ZSCAN5A: variants seen among roughly 807,000 people sequenced by gnomAD.
ZSCAN5A encodes zinc finger and SCAN domain containing 5A.
In ZSCAN5A, 12 loss-of-function variants were observed where a neutral mutation model predicts 23.7. The observed-to-expected ratio is 0.51, with a 90% confidence interval of 0.32 to 0.82. ZSCAN5A has a LOEUF of 0.82. Among genes scored for constraint, ZSCAN5A ranks in the 40% least tolerant of loss-of-function variants. ZSCAN5A has a pLI of 0.03. For missense variants in ZSCAN5A, 597 were observed against 617.9 expected (o/e 0.97, Z 0.36); for synonymous variants, 257 against 239.9 (o/e 1.07, Z -0.66).
Position 56,341,702 on chromosome 19 carries a change from C to CAAAAAAAAAA in ZSCAN5A, c.-358+21523_-358+21532dup, listed in dbSNP as rs1175628460. ...ATCTTCTAGGCAGGTTACCAAAAGG[C>CAAAAAAAAAA]AAAAAAAAAAAAAAAAAAAAAAAAA... On this transcript the variant is annotated intron_variant, in intron 2 of 6. Transcript: ENST00000587340. Among the ~76,000 whole-genome samples, 36 of 53,766 alleles carry CAAAAAAAAAA rather than the reference C, an allele frequency of 6.7e-4. 1 individual carries two copies. The highest frequency in any genetic ancestry group is 1.7e-3 in the South Asian group (2 of 1,164). 35.3% of individuals were successfully genotyped at this position (53,766 alleles called of 152,430 possible).
At chr19:56,269,644 A>G (rs892178705) in intron 2 of ZSCAN5A, among the ~76,000 whole-genome samples, 3 of 152,226 alleles carry the variant, frequency 2.0e-5, no homozygotes, top group African/African-American at 7.2e-5. Flanking sequence ...GAATCAGAGC[A>G]ATGTACGGTG....
At chr19:56,303,085 C>T (rs1427484153) in intron 2 of ZSCAN5A, 1 of 390,416 alleles carries the variant, frequency 2.6e-6, no homozygotes, top group Non-Finnish European at 4.5e-6. Context: ...GGGTTAAGGA[C>T]AGAATGGAAT....
chr19:56,221,989 G>A lies in ZSCAN5A; in HGVS notation c.1077C>T (p.Asp359=), dbSNP rs144472423. ...TACACGTAAACCTCTTCTCGCACAC[G>A]TCACATGCAAAGGGCGGCAGTGCCT... ...EAKALPPFAC[D]VCEKRFTCNS... Residue 359 remains aspartate, a synonymous_variant, in exon 6 of 6, where the codon GAC becomes GAT. Transcript: ENST00000683990. The A allele has an allele frequency of 7.0e-5, 113 of 1,614,208 alleles. No individual in the cohort carries two copies. The African/African-American group carries it at 1.1e-3, about 16-fold the overall frequency.
At chr19:56,300,777 C>T (rs1318386423) in intron 2 of ZSCAN5A, among the ~76,000 whole-genome samples, 11 of 151,680 alleles carry the variant, frequency 7.3e-5, no homozygotes, top group Admixed American at 5.9e-4. Flanking sequence ...GATTGGAAAC[C>T]TGTTTAGACA....
intron 2 of ZSCAN5A, chr19:56,282,613 C>G: frequency 1.9e-6 from 1 of 539,634 alleles, no homozygotes; most frequent in Non-Finnish European, 2.4e-6. Context: ...CACAGCTTAG[C>G]TTCTAATAGC....
intron 2 of ZSCAN5A, among the ~76,000 whole-genome samples, chr19:56,281,526 T>C (rs1218800499): frequency 3.3e-5 from 5 of 152,144 alleles, no homozygotes; most frequent in African/African-American, 1.2e-4. Context: ...TAGCGTCCCA[T>C]ATAAAGATCG....
At chr19:56,288,584 GCC>G (rs2039298164) in intron 2 of ZSCAN5A, among the ~76,000 whole-genome samples, 1 of 152,140 alleles carries the variant, frequency 6.6e-6, no homozygotes, top group Middle Eastern at 3.2e-3. Context: ...GCTGGGTCTG[GCC>G]TGCCTTGCTT....
intron 2 of ZSCAN5A, among the ~76,000 whole-genome samples, chr19:56,278,206 C>A (rs1023077798): frequency 1.3e-5 from 2 of 151,998 alleles, no homozygotes; most frequent in Non-Finnish European, 2.9e-5. Flanking sequence ...GCCATGACAT[C>A]TGCCTCCTGG....
intron 2 of ZSCAN5A, among the ~76,000 whole-genome samples, chr19:56,245,607 C>T (rs573771203): frequency 3.3e-5 from 5 of 152,332 alleles, no homozygotes; most frequent in Non-Finnish European, 5.9e-5. Flanking sequence ...ATCTACTTTT[C>T]TCTCCACCAT....
At chr19:56,231,556 C>G (rs2034465132) in intron 2 of ZSCAN5A, among the ~76,000 whole-genome samples, 1 of 152,200 alleles carries the variant, frequency 6.6e-6, no homozygotes, top group Admixed American at 6.5e-5. Flanking sequence ...GTAAAGGTGG[C>G]TCCAGCCCCC....
chr19:56,362,383 G>A (rs1045456253), intron 2 of ZSCAN5A, among the ~76,000 whole-genome samples: 4 of 151,670 alleles, frequency 2.6e-5, no homozygotes, highest in Admixed American at 6.6e-5. Flanking sequence ...CTTGGCCAAC[G>A]TGGCGAGACC....
chr19:56,287,893 A>T lies in ZSCAN5A; in HGVS notation c.-128+25390T>A, dbSNP rs375511853. Among the ~76,000 whole-genome samples the T allele has an allele frequency of 2.0e-5, 3 of 152,348 alleles. No individual in the cohort carries two copies. In the East Asian group the frequency reaches 5.8e-4, roughly 29 times the overall value. The stretch of plus-strand genomic sequence containing the variant: ...CCCTCTAAGAGGTGTAAATGCCACA[A>T]AAGCTACAGTGACCAGCTCGTCCCA... On this transcript the variant is annotated intron_variant, in intron 2 of 5. Coordinates refer to ENST00000683990, the MANE Select transcript of ZSCAN5A (RefSeq NM_001322064.3).
chr19:56,300,254 A>T lies in ZSCAN5A; in HGVS notation c.-128+13029T>A, dbSNP rs28715006. Among the ~76,000 whole-genome samples the T allele has an allele frequency of 7.2e-3, 1,098 of 152,326 alleles. 13 individuals carry two copies. Among genetic ancestry groups the T allele is most frequent in the African/African-American group, 0.025 (1,036 of 41,560 alleles). ...AAAAAAAAATTTCACCCTTTTATAT[A>T]GCCAAGCAGATACAACTTATTACAT... On this transcript the variant is annotated intron_variant, in intron 2 of 5. Coordinates refer to ENST00000683990, the MANE Select transcript of ZSCAN5A (RefSeq NM_001322064.3).
At chr19:56,301,830 G>A (rs2040253537) in intron 2 of ZSCAN5A, 1 of 1,007,886 alleles carries the variant, frequency 9.9e-7, no homozygotes, top group Non-Finnish European at 1.3e-6. Context: ...GTGATGGTGG[G>A]TGTGGACCAA....
At chr19:56,359,861 T>G (rs933424839) in intron 2 of ZSCAN5A, among the ~76,000 whole-genome samples, 1 of 152,156 alleles carries the variant, frequency 6.6e-6, no homozygotes, top group South Asian at 2.1e-4. Context: ...GAAAAGGCCT[T>G]TGATAAAATT....
intron 2 of ZSCAN5A, among the ~76,000 whole-genome samples, chr19:56,345,765 G>C (rs531442718): frequency 2.0e-4 from 31 of 152,252 alleles, no homozygotes; most frequent in African/African-American, 7.2e-4. Context: ...TAGACCATGT[G>C]ATGTTTTTAC....
chr19:56,229,975 T>C (rs2034311801), intron 2 of ZSCAN5A, among the ~76,000 whole-genome samples: 1 of 152,174 alleles, frequency 6.6e-6, no homozygotes, highest in Non-Finnish European at 1.5e-5. Context: ...AGTTCTGTTT[T>C]ACTGGTGGAG....
intron 2 of ZSCAN5A, among the ~76,000 whole-genome samples, chr19:56,258,520 G>T (rs1294949455): frequency 4.8e-5 from 7 of 145,608 alleles, no homozygotes; most frequent in African/African-American, 1.8e-4. Flanking sequence ...CTTCCAGTGT[G>T]GGGGGGTGAC....
At chr19:56,326,323 G>GTGTGTT (rs1363712298) in intron 2 of ZSCAN5A, among the ~76,000 whole-genome samples, 1 of 151,996 alleles carries the variant, frequency 6.6e-6, no homozygotes, top group Non-Finnish European at 1.5e-5. Flanking sequence ...GTGTGTGTGT[G>GTGTGTT]TGTGTGTGTG....
Sources: gnomAD v4.1 joint callset for allele counts (sites outside exome capture counted in the v4.1 genomes callset) on GRCh38, gnomAD v4.1.1 for gene constraint, MANE v1.5 for transcripts, NCBI Gene and HGNC (gene_info 2026-07-23, HGNC 2026-07-21) for gene names.